Variants in CHRM3 observed in about 807,000 individuals in gnomAD.
CHRM3 encodes the protein muscarinic acetylcholine receptor M3.
Under a neutral mutation model 41.8 loss-of-function variants are expected in CHRM3, and 11 were observed. The observed-to-expected ratio is 0.26, with a 90% confidence interval of 0.17 to 0.44. The LOEUF is 0.44. Ranked by LOEUF, CHRM3 falls within the 20% of genes least tolerant of loss-of-function variation. The pLI is 1.00. For missense variants in CHRM3, 571 were observed against 745.4 expected, an observed-to-expected ratio of 0.77 and a Z score of 2.72; for synonymous variants, 297 against 301.4, an observed-to-expected ratio of 0.99 and a Z score of 0.15.
At position 239,602,090 on chromosome 1, in the gene CHRM3, A is replaced by ATATGTGTG. The variant is rs371232279; in HGVS notation, c.-312-30133_-312-30132insATGTGTGT. Reference sequence around the variant, plus strand: ...CACATATGTACACATACATATATACATGTGTGTGTGTGTGTGTGTGTATAT... The same window carrying ATATGTGTG: ...CACATATGTACACATACATATATACATATGTGTGTGTGTGTGTGTGTGTGTGTGTATAT... On this transcript the variant is annotated intron_variant, in intron 3 of 6. Transcript: ENST00000676153. Among the ~76,000 whole-genome samples the ATATGTGTG allele has an allele frequency of 2.9e-3, 379 of 131,224 alleles. 5 individuals carry two copies. The highest frequency in any genetic ancestry group is 0.015 in the Middle Eastern group (4 of 272). The allele number at this position is 131,224 out of a possible 152,430, so 86.1% of individuals were successfully genotyped here.
chr1:239,905,240 G>A (rs1210637953), intron 6 of CHRM3, among the ~76,000 whole-genome samples: 1 of 152,144 alleles, frequency 6.6e-6, no homozygotes. Context: ...ACACCTGGAA[G>A]GAGCTGGTGG....
rs185280501 is a variant in CHRM3, at chr1:239,562,972, C to T, written c.-313+17223C>T. ...ATGTAAAGAAAAATGTTACAGGTAG[C>T]GAAATGGAATAAACTGAAATTCATC... is the stretch of plus-strand genomic sequence containing the variant. On this transcript the variant is annotated intron_variant, in intron 3 of 6. Transcript: ENST00000676153. 2.8e-3 allele frequency among the ~76,000 whole-genome samples: 425 copies of T among 150,594 alleles called. 2 individuals carry two copies. Among genetic ancestry groups the T allele is most frequent in the Admixed American group, 6.6e-3 (100 of 15,106 alleles).
chr1:239,594,360 G>A lies in CHRM3; in HGVS notation c.-312-37864G>A, dbSNP rs112115650. Among the ~76,000 whole-genome samples, 1,409 of 152,292 alleles carry A rather than the reference G, an allele frequency of 9.3e-3. 21 individuals are homozygous for A. The highest frequency in any genetic ancestry group is 0.033 in the African/African-American group (1,353 of 41,564). On this transcript the variant is annotated intron_variant, in intron 3 of 6. Transcript: ENST00000676153. ...GTGGTGTGTATCACAAGATGCACTG[G>A]CAAAGAATACATTTTGCAAGCTGTT...
chr1:239,566,292 T>G (rs997814213), intron 3 of CHRM3, among the ~76,000 whole-genome samples: 1 of 152,152 alleles, frequency 6.6e-6, no homozygotes, highest in Non-Finnish European at 1.5e-5. Flanking sequence ...AATCCGGAGA[T>G]TATGTCATTG....
intron 3 of CHRM3, among the ~76,000 whole-genome samples, chr1:239,591,519 C>T (rs550395707): frequency 5.9e-5 from 9 of 151,850 alleles, no homozygotes; most frequent in East Asian, 3.9e-4. Context: ...ATGACTGCAG[C>T]GGACTGCTTA....
intron 5 of CHRM3, among the ~76,000 whole-genome samples, chr1:239,783,683 C>T (rs957374825): frequency 1.3e-5 from 2 of 152,116 alleles, no homozygotes; most frequent in Admixed American, 6.5e-5. Context: ...TTAAGAATTG[C>T]AAGATAAGAT....
chr1:239,499,467 A>G (rs16838378), intron 2 of CHRM3, among the ~76,000 whole-genome samples: 2,955 of 152,316 alleles, frequency 0.019, 80 homozygotes, highest in African/African-American at 0.059. Flanking sequence ...TACAAGAAGT[A>G]GTTTTAAATA....
At chr1:239,393,135 T>C (rs1227191188) in intron 1 of CHRM3, among the ~76,000 whole-genome samples, 1 of 152,094 alleles carries the variant, frequency 6.6e-6, no homozygotes, top group African/African-American at 2.4e-5. Flanking sequence ...ATAGCCACTG[T>C]ACTCCAGCCT....
At chr1:239,530,868 A>G (rs946776011) in intron 2 of CHRM3, among the ~76,000 whole-genome samples, 1 of 152,196 alleles carries the variant, frequency 6.6e-6, no homozygotes, top group African/African-American at 2.4e-5. Flanking sequence ...TCAATGTATG[A>G]GAGTTCCAAA....
intron 2 of CHRM3, among the ~76,000 whole-genome samples, chr1:239,534,507 C>T (rs1658006060): frequency 6.6e-6 from 1 of 152,122 alleles, no homozygotes; most frequent in Non-Finnish European, 1.5e-5. Flanking sequence ...GTACTGATGC[C>T]AAAGTTAGCC....
intron 1 of CHRM3, among the ~76,000 whole-genome samples, chr1:239,419,332 G>T (rs1032815255): frequency 6.8e-6 from 1 of 147,222 alleles, no homozygotes; most frequent in African/African-American, 2.5e-5. Context: ...ATTTATTATA[G>T]TCGTTTTATT....
chr1:239,532,640 A>T lies in CHRM3; in HGVS notation c.-421-13001A>T, dbSNP rs1008024336. Among the ~76,000 whole-genome samples the T allele has an allele frequency of 2.7e-5, 4 of 149,758 alleles. No individual in the cohort carries two copies. In the South Asian group the frequency reaches 8.4e-4, roughly 32 times the overall value. ...TGCCTCTCAAAAAAAAAAAAAAAAG[A>T]TATGTAGGAGTTCCACTCTACTTGA... On this transcript the variant is annotated intron_variant, in intron 2 of 6. Coordinates refer to ENST00000676153, the MANE Select transcript of CHRM3 (RefSeq NM_001375978.1).
At chr1:239,643,532 A>G (rs1671430820) in intron 4 of CHRM3, among the ~76,000 whole-genome samples, 1 of 152,296 alleles carries the variant, frequency 6.6e-6, no homozygotes, top group East Asian at 1.9e-4. Flanking sequence ...CTGCTGTGCT[A>G]GTAATCAGCG....
rs1233638355 is a variant in CHRM3, at chr1:239,908,490, G to C, written c.1039G>C (p.Glu347Gln). The change falls in exon 7 of 7, where the codon GAG (glutamate) becomes CAG (glutamine). Residue 347 changes from glutamate (E) to glutamine (Q), a missense_variant. This residue lies in a region of CHRM3 where 239 missense variants were observed against 239.6 expected (regional missense o/e 1.00). Transcript: ENST00000676153. The surrounding 1 kb of genome is among the most constrained non-coding windows in gnomAD (Gnocchi z 7.2). ...CAACAATGATGCTGCTGCCTCCCTG[G>C]AGAACTCCGCCTCCTCCGACGAGGA... ...WNNNDAAASL[E>Q]NSASSDEEDI... The C allele has an allele frequency of 1.9e-6, 3 of 1,608,368 alleles. No homozygotes were observed. The highest frequency in any genetic ancestry group is 1.3e-5 in the African/African-American group (1 of 74,788).
intron 5 of CHRM3, among the ~76,000 whole-genome samples, chr1:239,746,788 C>T (rs571636142): frequency 4.0e-5 from 6 of 151,386 alleles, no homozygotes; most frequent in Non-Finnish European, 8.8e-5. Context: ...GACAGAGTTT[C>T]GCTCTGTCAC....
chr1:239,813,684 G>A (rs955045196), intron 5 of CHRM3, among the ~76,000 whole-genome samples: 2 of 148,122 alleles, frequency 1.4e-5, no homozygotes, highest in African/African-American at 2.5e-5. Context: ...TTGGGAGGCC[G>A]AGGCGGGCGG....
At chr1:239,789,491 C>G (rs1364974227) in intron 5 of CHRM3, among the ~76,000 whole-genome samples, 1 of 152,134 alleles carries the variant, frequency 6.6e-6, no homozygotes, top group Non-Finnish European at 1.5e-5. Flanking sequence ...GCAGGCTATA[C>G]AAGAAGTGTG....
At chr1:239,606,315 G>C (rs187094157) in intron 3 of CHRM3, 1 of 151,580 alleles carries the variant, frequency 6.6e-6, no homozygotes, top group Non-Finnish European at 1.5e-5. Flanking sequence ...TCACTCTGTC[G>C]CCCAGGCTGG....
intron 4 of CHRM3, among the ~76,000 whole-genome samples, chr1:239,677,533 G>T (rs1199977833): frequency 6.6e-6 from 1 of 152,134 alleles, no homozygotes; most frequent in South Asian, 2.1e-4. Flanking sequence ...TCAAGGCACC[G>T]GTATCTGGCC....
Sources: gnomAD v4.1 joint callset for allele counts (sites outside exome capture counted in the v4.1 genomes callset) on GRCh38, gnomAD v4.1.1 for gene constraint, gnomAD v4.1.1 regional missense constraint, Gnocchi (gnomAD v3.1) non-coding constraint, MANE v1.5 for transcripts, NCBI Gene and HGNC (gene_info 2026-07-23, HGNC 2026-07-21) for gene names.